SLIT3: variants seen among roughly 807,000 people sequenced by gnomAD.
SLIT3 encodes slit guidance ligand 3.
In SLIT3, 68 loss-of-function variants were observed where a neutral mutation model predicts 184.0. The observed-to-expected ratio is 0.37, with a 90% CI of 0.30 to 0.45. The LOEUF (loss-of-function observed/expected upper bound fraction) is 0.45. Among genes scored for constraint, SLIT3 ranks in the 20% least tolerant of loss-of-function variants. The pLI, the probability that SLIT3 is intolerant of heterozygous loss-of-function variation, is 1.00. For missense variants in SLIT3, 1,707 were observed against 2,026.0 expected (o/e 0.84, Z 3.02); for synonymous variants, 831 against 828.6 (o/e 1.00, Z -0.05).
intron 4 of SLIT3, chr5:168,992,912 G>C (rs909434903): frequency 9.9e-5 from 15 of 152,216 alleles, no homozygotes; most frequent in African/African-American, 3.6e-4. Flanking sequence ...GAAAATGCCA[G>C]TGGGTGTTAG....
chr5:169,104,676 G>A (rs1010243046), intron 4 of SLIT3, among the ~76,000 whole-genome samples: 9 of 151,998 alleles, frequency 5.9e-5, no homozygotes, highest in Non-Finnish European at 1.2e-4. Context: ...ATTTTTTCTC[G>A]TATTTTGGAG....
At chr5:168,694,597 C>T (rs893729946) in intron 28 of SLIT3, among the ~76,000 whole-genome samples, 1 of 152,078 alleles carries the variant, frequency 6.6e-6, no homozygotes, top group Non-Finnish European at 1.5e-5. Flanking sequence ...CTCTCTGTCT[C>T]TCTCTCTTTC....
At chr5:168,900,333 G>C (rs1176538506) in intron 4 of SLIT3, among the ~76,000 whole-genome samples, 1 of 152,164 alleles carries the variant, frequency 6.6e-6, no homozygotes, top group Non-Finnish European at 1.5e-5. Context: ...AGATACTTAT[G>C]GCCTGGTACA....
intron 4 of SLIT3, among the ~76,000 whole-genome samples, chr5:169,115,225 A>C (rs1206001042): frequency 1.3e-5 from 2 of 152,230 alleles, no homozygotes; most frequent in African/African-American, 4.8e-5. Flanking sequence ...GCATATGAGC[A>C]GAATTTATAA....
chr5:168,715,465 T>C (rs1222125797), intron 23 of SLIT3, among the ~76,000 whole-genome samples: 1 of 152,166 alleles, frequency 6.6e-6, no homozygotes, highest in African/African-American at 2.4e-5. Flanking sequence ...AGGTTGAGCA[T>C]GCAACCTAAG....
At chr5:168,812,107 G>C (rs1297233403) in intron 8 of SLIT3, among the ~76,000 whole-genome samples, 12 of 152,196 alleles carry the variant, frequency 7.9e-5, no homozygotes, top group Non-Finnish European at 1.8e-4. Context: ...AGACACAGAA[G>C]ACAAAATACC....
At chr5:169,054,666 A>T (rs192292943) in intron 4 of SLIT3, among the ~76,000 whole-genome samples, 33 of 152,012 alleles carry the variant, frequency 2.2e-4, no homozygotes, top group Admixed American at 2.0e-3. Flanking sequence ...GGCCAGTCCC[A>T]CTCCAACCCG....
At position 169,251,456 on chromosome 5, in the gene SLIT3, G is replaced by A. The variant is rs775356743; in HGVS notation, c.201C>T (p.Asp67=). Residue 67 remains aspartate (D), a synonymous_variant, in exon 2 of 36, where the codon GAC becomes GAT. Coordinates refer to ENST00000519560, the MANE Select transcript of SLIT3 (RefSeq NM_003062.4). Reference sequence around the variant, plus strand: ...TCCTGGTGATATTATTTCTGTCCAGGTCACTGCAATGGAGAGCAAATTCAG... The same window carrying A: ...TCCTGGTGATATTATTTCTGTCCAGATCACTGCAATGGAGAGCAAATTCAG... ...RGIPRNAERL[D]LDRNNITRIT... is the part of the protein sequence containing the mutation. 2 of 1,611,568 alleles carry A rather than the reference G, an allele frequency of 1.2e-6. No individual in the cohort carries two copies. Among genetic ancestry groups the A allele is most frequent in the South Asian group, 1.1e-5 (1 of 91,002 alleles).
At chr5:168,984,528 A>G (rs1002919452) in intron 4 of SLIT3, among the ~76,000 whole-genome samples, 1 of 152,182 alleles carries the variant, frequency 6.6e-6, no homozygotes. Context: ...CTGTCTGTAT[A>G]AGACCAACAA....
intron 7 of SLIT3, among the ~76,000 whole-genome samples, 157 bp downstream of exon 7, chr5:168,823,103 G>A (rs371983430): frequency 1.1e-4 from 17 of 152,234 alleles, no homozygotes; most frequent in East Asian, 3.9e-4. Context: ...ACCCTCACTC[G>A]CCAAGGCACC....
chr5:168,993,252 C>T lies in SLIT3; in HGVS notation c.414-109916G>A, dbSNP rs76469992. 1.1e-4 allele frequency among the ~76,000 whole-genome samples: 17 copies of T among 152,316 alleles called. 1 individual carries two copies. The East Asian group carries it at 2.5e-3, about 22-fold the overall frequency. On this transcript the variant is annotated intron_variant, in intron 4 of 35. Transcript: ENST00000519560. ...GCGCAGAATAGCCAGGTGCTCGAGGCGCTGCTGACAGGCTGCTGTGAGGGT... is the reference window on the plus strand; with the variant it reads ...GCGCAGAATAGCCAGGTGCTCGAGGTGCTGCTGACAGGCTGCTGTGAGGGT...
chr5:168,818,248 G>A (rs1271070620), intron 7 of SLIT3, among the ~76,000 whole-genome samples: 2 of 152,266 alleles, frequency 1.3e-5, no homozygotes, highest in African/African-American at 4.8e-5. Context: ...GTTCTAGGAC[G>A]CTTTGGCTTT....
intron 4 of SLIT3, among the ~76,000 whole-genome samples, chr5:168,902,708 C>G (rs557062372): frequency 3.3e-5 from 5 of 152,326 alleles, no homozygotes; most frequent in African/African-American, 9.6e-5. Flanking sequence ...AATAACCCCT[C>G]CATGTGATGC....
intron 7 of SLIT3, among the ~76,000 whole-genome samples, chr5:168,819,462 GAAGCAGAACCTTTT>G (rs1447343031): frequency 6.6e-6 from 1 of 152,178 alleles, no homozygotes; most frequent in African/African-American, 2.4e-5. Context: ...TGTGCCGGGA[GAAGCAGAACCTTTT>G]AATGAGCGTT....
rs1411429400 is a variant in SLIT3 at position 168,831,564 on chromosome 5, G to A, written c.558-8233C>T. 2.0e-5 allele frequency among the ~76,000 whole-genome samples: 3 copies of A among 152,178 alleles called. No homozygotes were observed. The East Asian group carries it at 5.8e-4, about 29-fold the overall frequency. ...GGGCCTTATTCACTGACGTATAGCA[G>A]TCGAGCTCTCATTTGACACCTCAAA... On this transcript the variant is annotated intron_variant, in intron 6 of 35. Transcript: ENST00000519560.
intron 3 of SLIT3, among the ~76,000 whole-genome samples, chr5:169,213,920 G>T (rs1259492071): frequency 6.6e-6 from 1 of 152,200 alleles, no homozygotes; most frequent in African/African-American, 2.4e-5. Flanking sequence ...AGGAGAAAGA[G>T]GTGTGGAATA....
intron 4 of SLIT3, among the ~76,000 whole-genome samples, chr5:168,907,941 C>T (rs1223094352): frequency 1.4e-3 from 59 of 43,412 alleles, no homozygotes; most frequent in Admixed American, 3.4e-3. Flanking sequence ...ATATATTATA[C>T]GTGTATATAT....
chr5:168,777,105 A>C (rs749520720), intron 12 of SLIT3, among the ~76,000 whole-genome samples: 18 of 4,992 alleles, frequency 3.6e-3, no homozygotes, highest in South Asian at 7.2e-3. Flanking sequence ...ACACACACAC[A>C]CCCCCCATAC....
chr5:169,157,604 C>T (rs1762350867), intron 4 of SLIT3, among the ~76,000 whole-genome samples: 1 of 152,128 alleles, frequency 6.6e-6, no homozygotes, highest in Non-Finnish European at 1.5e-5. Context: ...ACAGAAGATT[C>T]AATAAGATCC....
Sources: gnomAD v4.1 joint callset for allele counts (sites outside exome capture counted in the v4.1 genomes callset) on GRCh38, gnomAD v4.1.1 for gene constraint, MANE v1.5 for transcripts, NCBI Gene and HGNC (gene_info 2026-07-23, HGNC 2026-07-21) for gene names.